MAGI2: variants seen among roughly 807,000 people sequenced by gnomAD.
The protein encoded by MAGI2 is membrane-associated guanylate kinase, WW and PDZ domain-containing protein 2.
Under a neutral mutation model 133.3 loss-of-function variants are expected in MAGI2, and 35 were observed. The ratio of observed to expected loss-of-function variants is 0.26; its 90% CI spans 0.20 to 0.35. The LOEUF (loss-of-function observed/expected upper bound fraction) is 0.35. Among genes scored for constraint, MAGI2 ranks in the 10% least tolerant of loss-of-function variants. MAGI2 has a pLI of 1.00. For synonymous variants in MAGI2, 729 were observed against 710.6 expected (o/e 1.03, Z -0.41); for missense variants, 1,636 against 1,863.4 (o/e 0.88, Z 2.25).
intron 2 of MAGI2, among the ~76,000 whole-genome samples, chr7:78,882,084 AAC>A (rs1157849229): frequency 1.2e-4 from 10 of 82,700 alleles, no homozygotes; most frequent in Middle Eastern, 5.3e-3. Flanking sequence ...CAACAACAAC[AAC>A]AAAAAAAAAA....
chr7:78,408,407 T>C (rs931785131), intron 6 of MAGI2, among the ~76,000 whole-genome samples: 1 of 152,002 alleles, frequency 6.6e-6, no homozygotes, highest in African/African-American at 2.4e-5. Flanking sequence ...CTTCACTGTA[T>C]AGTGAATTGG....
chr7:78,945,793 G>T (rs1307645606), intron 2 of MAGI2, among the ~76,000 whole-genome samples: 4 of 152,068 alleles, frequency 2.6e-5, no homozygotes, highest in Admixed American at 6.6e-5. Context: ...CGTCACACAG[G>T]ATACCTACTC....
At chr7:78,514,934 T>C (rs1795913608) in intron 4 of MAGI2, among the ~76,000 whole-genome samples, 1 of 152,214 alleles carries the variant, frequency 6.6e-6, no homozygotes, top group Non-Finnish European at 1.5e-5. Context: ...GGCAGCTCTG[T>C]GTACACATAC....
At chr7:79,190,092 G>C (rs1463328630) in intron 1 of MAGI2, among the ~76,000 whole-genome samples, 1 of 151,604 alleles carries the variant, frequency 6.6e-6, no homozygotes, top group Non-Finnish European at 1.5e-5. Context: ...ATAAACATTT[G>C]TGCACAGTTT....
At chr7:79,253,900 T>C (rs958648492) in intron 1 of MAGI2, among the ~76,000 whole-genome samples, 1 of 152,298 alleles carries the variant, frequency 6.6e-6, no homozygotes, top group Non-Finnish European at 1.5e-5. Flanking sequence ...AAGTTGACTA[T>C]AGGATAAGTA....
At chr7:78,958,547 A>G (rs1460642148) in intron 2 of MAGI2, among the ~76,000 whole-genome samples, 1 of 152,176 alleles carries the variant, frequency 6.6e-6, no homozygotes, top group Non-Finnish European at 1.5e-5. Flanking sequence ...TTCCCATGGT[A>G]TTTTGATAAT....
intron 10 of MAGI2, among the ~76,000 whole-genome samples, chr7:78,239,565 G>GA (rs1438926583): frequency 1.3e-5 from 2 of 151,852 alleles, no homozygotes; most frequent in African/African-American, 4.8e-5. Flanking sequence ...TCAATAGCAA[G>GA]AAAAAAATAA....
At chr7:79,292,146 C>A (rs1022227143) in intron 1 of MAGI2, among the ~76,000 whole-genome samples, 2 of 152,024 alleles carry the variant, frequency 1.3e-5, no homozygotes, top group Non-Finnish European at 2.9e-5. Flanking sequence ...TATTTCAGTA[C>A]CATTTTTTGA....
rs368899039 is a variant in MAGI2 at position 78,517,820 on chromosome 7, G to T, written c.754+3610C>A. Among the ~76,000 whole-genome samples, 154 of 152,210 alleles carry T rather than the reference G, an allele frequency of 1.0e-3. 3 individuals carry two copies. The Middle Eastern group carries it at 0.017, about 17-fold the overall frequency. On this transcript the variant is annotated intron_variant, in intron 4 of 21. Transcript: ENST00000354212. ...TGTCTGGTGCAATTTTGAGCAGAAG[G>T]AAAGAACACTCAGTAAAATAAATAT...
rs188959689 is a variant in MAGI2, at chr7:78,275,514, T to G, written c.1409-18933A>C. On this transcript the variant is annotated intron_variant, in intron 9 of 21. Transcript: ENST00000354212. ...ACTCAGTGACAGAATTAGCTATATTTGAATGGGCTAGTCAGCCTGCCCAAG... is the reference window on the plus strand; with the variant it reads ...ACTCAGTGACAGAATTAGCTATATTGGAATGGGCTAGTCAGCCTGCCCAAG... 3.0e-3 allele frequency among the ~76,000 whole-genome samples: 452 copies of G among 152,034 alleles called. 4 individuals are homozygous for G. The highest frequency in any genetic ancestry group is 0.01 in the African/African-American group (430 of 41,432).
At chr7:78,792,343 A>G (rs1787231464) in intron 2 of MAGI2, among the ~76,000 whole-genome samples, 2 of 152,220 alleles carry the variant, frequency 1.3e-5, no homozygotes. Flanking sequence ...ATGCAATTTT[A>G]TTTTGTACCA....
intron 2 of MAGI2, among the ~76,000 whole-genome samples, chr7:78,973,011 A>G (rs964541304): frequency 6.6e-6 from 1 of 151,430 alleles, no homozygotes; most frequent in Non-Finnish European, 1.5e-5. Context: ...TATATTTATC[A>G]TTTCCCTCAA....
chr7:79,252,684 G>A (rs1006250716), intron 1 of MAGI2, among the ~76,000 whole-genome samples: 2 of 152,168 alleles, frequency 1.3e-5, no homozygotes, highest in East Asian at 1.9e-4. Context: ...ACTATTACAC[G>A]TTGTATGCCT....
At chr7:78,379,848 C>T (rs1029819) in intron 6 of MAGI2, among the ~76,000 whole-genome samples, 124,143 of 151,940 alleles carry the variant, frequency 0.82, 50,818 homozygotes, top group Admixed American at 0.85. Flanking sequence ...AACAATAATC[C>T]TGACCATAAT....
intron 1 of MAGI2, among the ~76,000 whole-genome samples, chr7:79,417,950 T>C (rs2129176980): frequency 6.6e-6 from 1 of 152,152 alleles, no homozygotes; most frequent in East Asian, 1.9e-4. Flanking sequence ...AGTCATAATC[T>C]CAATGTAAAG....
chr7:79,260,614 GACA>G (rs1413918420), intron 1 of MAGI2, among the ~76,000 whole-genome samples: 2 of 152,094 alleles, frequency 1.3e-5, no homozygotes, highest in Non-Finnish European at 2.9e-5. Flanking sequence ...TATGAACATT[GACA>G]TGATGCCCCA....
chr7:78,728,472 C>G (rs1291868898), intron 2 of MAGI2, among the ~76,000 whole-genome samples: 1 of 148,936 alleles, frequency 6.7e-6, no homozygotes, highest in African/African-American at 2.5e-5. Context: ...CCATCAAACA[C>G]TCTTGACCTA....
In MAGI2 at chr7:79,138,345, A is replaced by G. The variant is rs147929922; in HGVS notation, c.302-131139T>C. On this transcript the variant is annotated intron_variant, in intron 1 of 21. Transcript: ENST00000354212. ...TTGACTATTATGCTCAACATTTGAG[A>G]CCCTCTTCTTTAAAACTGTATTCCC... Among the ~76,000 whole-genome samples the G allele has an allele frequency of 6.5e-3, 992 of 152,182 alleles. 58 individuals are homozygous for G. The highest frequency in any genetic ancestry group is 0.06 in the Admixed American group (920 of 15,282).
At chr7:78,912,213 T>C (rs941640429) in intron 2 of MAGI2, among the ~76,000 whole-genome samples, 1 of 152,116 alleles carries the variant, frequency 6.6e-6, no homozygotes, top group Admixed American at 6.5e-5. Flanking sequence ...CTTGACCCTA[T>C]ACAGTTCATA....
Sources: gnomAD v4.1 joint callset for allele counts (sites outside exome capture counted in the v4.1 genomes callset) on GRCh38, gnomAD v4.1.1 for gene constraint, MANE v1.5 for transcripts, NCBI Gene and HGNC (gene_info 2026-07-23, HGNC 2026-07-21) for gene names.